The following ATP2A3 variants were observed in gnomAD, a reference collection of about 807,000 sequenced individuals.
The protein encoded by ATP2A3 is sarcoplasmic/endoplasmic reticulum calcium ATPase 3.
In ATP2A3, 61 loss-of-function variants were observed where a neutral mutation model predicts 106.8. That is an observed-to-expected ratio of 0.57 (90% CI 0.46 to 0.71). The LOEUF is 0.71. Ranked by LOEUF, ATP2A3 falls within the 30% of genes least tolerant of loss-of-function variation. The pLI, the probability that ATP2A3 is intolerant of heterozygous loss-of-function variation, is 0.00. For missense variants in ATP2A3, 1,201 were observed against 1,423.5 expected (o/e 0.84, Z 2.52); for synonymous variants, 611 against 609.3 (o/e 1.00, Z -0.04).
Position 3,925,603 on chromosome 17 carries a change from C to A in ATP2A3, c.2981-162G>T, listed in dbSNP as rs920253372. On this transcript the variant is annotated intron_variant, in intron 20 of 20. Transcript: ENST00000397041. The surrounding 1 kb of genome is among the most constrained non-coding windows in gnomAD (Gnocchi z 4.2). ...CAGTCTACCCCAGCCCCACCGGACC[C>A]CCCAAGCTGCATCCAGGATCCATCC... Among the ~76,000 whole-genome samples the A allele has an allele frequency of 6.6e-6, 1 of 151,854 alleles. No individual in the cohort carries two copies. Among genetic ancestry groups the A allele is most frequent in the African/African-American group, 2.4e-5 (1 of 41,312 alleles).
chr17:3,956,587 A>G (rs1324710531), intron 1 of ATP2A3, among the ~76,000 whole-genome samples: 1 of 152,146 alleles, frequency 6.6e-6, no homozygotes, highest in Non-Finnish European at 1.5e-5. Flanking sequence ...AAGCGGCTGG[A>G]GCTCTTTGAC....
Position 3,956,128 on chromosome 17 carries a change from C to G in ATP2A3, c.119-2418G>C, listed in dbSNP as rs190503941. On this transcript the variant is annotated intron_variant, in intron 1 of 20. Coordinates refer to ENST00000397041, the MANE Select transcript of ATP2A3 (RefSeq NM_005173.4). Reference sequence around the variant, plus strand: ...AACTCCTGACCTCAGGTGATCCACCCACTTCGGCCTCCCAAAGTGCTGGGA... The same window carrying G: ...AACTCCTGACCTCAGGTGATCCACCGACTTCGGCCTCCCAAAGTGCTGGGA... Among the ~76,000 whole-genome samples the G allele has an allele frequency of 6.8e-3, 1,035 of 152,206 alleles. 10 individuals are homozygous for G. Among genetic ancestry groups the G allele is most frequent in the Non-Finnish European group, 0.011 (762 of 68,002 alleles).
Position 3,926,407 on chromosome 17 carries a change from T to C in ATP2A3, c.2981-966A>G, listed in dbSNP as rs2052710745. On this transcript the variant is annotated intron_variant, in intron 20 of 20. Coordinates refer to ENST00000397041, the MANE Select transcript of ATP2A3 (RefSeq NM_005173.4). The surrounding 1 kb of genome is among the most constrained non-coding windows in gnomAD (Gnocchi z 4.6). ...CAGATGGAGCCGCAGGTACCCAGCC[T>C]GTGTCTGTCCTCCAGCAGCCAGGCA... Among the ~76,000 whole-genome samples, 1 of 152,278 alleles carries C rather than the reference T, an allele frequency of 6.6e-6. No homozygotes were observed. The highest frequency in any genetic ancestry group is 6.5e-5 in the Admixed American group (1 of 15,306).
In ATP2A3 at chr17:3,936,647, G is replaced by C. The variant is rs1350614301; in HGVS notation, c.2322-178C>G. 1.4e-6 allele frequency: 1 copy of C among 695,098 alleles called. No individual in the cohort carries two copies. Among genetic ancestry groups the C allele is most frequent in the Non-Finnish European group, 2.5e-6 (1 of 397,018 alleles). 43.1% of individuals were successfully genotyped at this position (695,098 alleles called of 1,614,324 possible). A position where few individuals can be genotyped will look rare whatever the true frequency, so the allele number is the denominator to read the frequency against. On this transcript the variant is annotated intron_variant, in intron 15 of 20. Coordinates refer to ENST00000397041, the MANE Select transcript of ATP2A3 (RefSeq NM_005173.4). This position sits in a 1 kb window ranked among gnomAD's most constrained non-coding sequence, Gnocchi z 5.4. ...GTGTACACAGCTCTGCCTCGGGCCT[G>C]GCCAGTCCTGCCTTCCCCAGTCCCA...
rs758534122 is a variant in ATP2A3, at chr17:3,953,660, C to T, written c.136+33G>A. 26 of 1,559,414 alleles carry T rather than the reference C, an allele frequency of 1.7e-5. 1 individual carries two copies. The highest frequency in any genetic ancestry group is 9.6e-5 in the Admixed American group (5 of 51,868). Reference sequence around the variant, plus strand: ...GAGAACGACCCAGGGATGCTGCCCGCGGCCTAGAGGTCCATCCCGGTGCCA... The same window carrying T: ...GAGAACGACCCAGGGATGCTGCCCGTGGCCTAGAGGTCCATCCCGGTGCCA... On this transcript the variant is annotated intron_variant, in intron 2 of 20. Transcript: ENST00000397041. This position sits in a 1 kb window ranked among gnomAD's most constrained non-coding sequence, Gnocchi z 5.1.
chr17:3,933,933 TTC>T (rs112227508), intron 17 of ATP2A3, among the ~76,000 whole-genome samples: 22,658 of 149,918 alleles, frequency 0.15, 2,088 homozygotes, highest in African/African-American at 0.21. Context: ...TTTTCTTTTT[TTC>T]TTTTTTGAGA....
At position 3,924,809 on chromosome 17, in the gene ATP2A3, T is replaced by C. The variant is rs1307852668; in HGVS notation, c.*613A>G. ...CCTTCACCCGCCCGGGCCCTGCACATATAAACAGAAGCAGCCTCGAGCTCT... is the reference window on the plus strand; with the variant it reads ...CCTTCACCCGCCCGGGCCCTGCACACATAAACAGAAGCAGCCTCGAGCTCT... On this transcript the variant is annotated 3_prime_UTR_variant, in exon 21 of 21. Transcript: ENST00000397041. This position sits in a 1 kb window ranked among gnomAD's most constrained non-coding sequence, Gnocchi z 6.4. 1 of 456,554 alleles carries C rather than the reference T, an allele frequency of 2.2e-6. No individual in the cohort carries two copies. The highest frequency in any genetic ancestry group is 2.3e-5 in the Admixed American group (1 of 42,566). The allele number at this position is 456,554 out of a possible 1,614,324, so 28.3% of individuals were successfully genotyped here. A position where few individuals can be genotyped will look rare whatever the true frequency, so the allele number is the denominator to read the frequency against.
chr17:3,964,271 G>T lies in ATP2A3; in HGVS notation c.21C>A (p.Leu7=). The T allele has an allele frequency of 1.6e-6, 2 of 1,283,328 alleles. No homozygotes were observed. The highest frequency in any genetic ancestry group is 3.3e-5 in the South Asian group (2 of 60,062). The allele number at this position is 1,283,328 out of a possible 1,614,324, so 79.5% of individuals were successfully genotyped here. A position where few individuals can be genotyped will look rare whatever the true frequency, so the allele number is the denominator to read the frequency against. MEAAHL[L]PAADVLRHFS... Reference sequence around the variant, plus strand: ...AGTGGCGCAGCACGTCGGCGGCCGGGAGCAGATGCGCCGCCTCCATGCCGC... The same window carrying T: ...AGTGGCGCAGCACGTCGGCGGCCGGTAGCAGATGCGCCGCCTCCATGCCGC... The change falls in exon 1 of 21, where the codon CTC becomes CTA. Residue 7 remains leucine (L), a synonymous_variant. Transcript: ENST00000397041.
chr17:3,936,526 C>A lies in ATP2A3; in HGVS notation c.2322-57G>T, dbSNP rs916985342. ...AGGCCTAGCCCCCGGCAGATGCAGG[C>A]TCCAGCTCCTGCTCAGACCCAAGGC... is the stretch of plus-strand genomic sequence containing the variant. On this transcript the variant is annotated intron_variant, in intron 15 of 20. Coordinates refer to ENST00000397041, the MANE Select transcript of ATP2A3 (RefSeq NM_005173.4). This position sits in a 1 kb window ranked among gnomAD's most constrained non-coding sequence, Gnocchi z 5.4. The A allele has an allele frequency of 9.5e-6, 15 of 1,586,168 alleles. No homozygotes were observed. In the Admixed American group the frequency reaches 1.2e-4, roughly 12 times the overall value.
At position 3,953,572 on chromosome 17, in the gene ATP2A3, G is replaced by A; in HGVS notation, c.136+121C>T. 2 of 1,489,424 alleles carry A rather than the reference G, an allele frequency of 1.3e-6. No homozygotes were observed. Among genetic ancestry groups the A allele is most frequent in the Non-Finnish European group, 9.2e-7 (1 of 1,087,612 alleles). The allele number at this position is 1,489,424 out of a possible 1,614,324, so 92.3% of individuals were successfully genotyped here. ...ACCCAGGTCGCTGAGAGGCTCAGGT[G>A]GGTGATCCTGGGGAGCTCAGCAAGG... On this transcript the variant is annotated intron_variant, in intron 2 of 20. Coordinates refer to ENST00000397041, the MANE Select transcript of ATP2A3 (RefSeq NM_005173.4). This position sits in a 1 kb window ranked among gnomAD's most constrained non-coding sequence, Gnocchi z 5.1.
At position 3,941,615 on chromosome 17, in the gene ATP2A3, G is replaced by T; in HGVS notation, c.1585C>A (p.Arg529Ser). The T allele has an allele frequency of 1.9e-6, 3 of 1,611,246 alleles. No homozygotes were observed. Among genetic ancestry groups the T allele is most frequent in the Non-Finnish European group, 2.5e-6 (3 of 1,180,008 alleles). ...AGGGGTGCTGTGCGGCTCCCCACGC[G>T]GACTGAGCTACAGCGCTCGATCACA... ...ESVIERCSSV[R>S]VGSRTAPLTP... The change falls in exon 13 of 21, where the codon CGC becomes AGC. Residue 529 changes from arginine (R) to serine (S), a missense_variant. By Grantham distance (110) the Arg-to-Ser change is moderately radical (BLOSUM62 -1). This residue lies in a region of ATP2A3 where 935 missense variants were observed against 1,176.7 expected (regional missense o/e 0.79). Coordinates refer to ENST00000397041, the MANE Select transcript of ATP2A3 (RefSeq NM_005173.4).
At chr17:3,957,189 C>A (rs914168408) in intron 1 of ATP2A3, among the ~76,000 whole-genome samples, 1 of 152,226 alleles carries the variant, frequency 6.6e-6, no homozygotes, top group Non-Finnish European at 1.5e-5. Context: ...TTCTCATGAT[C>A]CGCAAACAAG....
Position 3,941,522 on chromosome 17 carries a change from G to T in ATP2A3, c.1678C>A (p.Arg560Ser). Residue 560 changes from arginine (R) to serine (S), a missense_variant, in exon 13 of 21, where the codon CGC becomes AGC. Arg to Ser is a moderately radical substitution (Grantham distance 110). This residue lies in a region of ATP2A3 where 935 missense variants were observed against 1,176.7 expected (regional missense o/e 0.79). Coordinates refer to ENST00000397041, the MANE Select transcript of ATP2A3 (RefSeq NM_005173.4). ...TCCCGGGTGGCCAGTGCCAGGCAGCGCAGCGTGTCTGAGCCTGAGCCCCAA... is the reference window on the plus strand; with the variant it reads ...TCCCGGGTGGCCAGTGCCAGGCAGCTCAGCGTGTCTGAGCCTGAGCCCCAA... The part of the protein sequence containing the change: ...RDWGSGSDTL[R>S]CLALATRDAP... 6.2e-7 allele frequency: 1 copy of T among 1,613,770 alleles called. No homozygotes were observed. The highest frequency in any genetic ancestry group is 8.5e-7 in the Non-Finnish European group (1 of 1,179,930).
rs1169418167 is a variant in ATP2A3, at chr17:3,941,441, A to G, written c.1759T>C (p.Tyr587His). 1 of 1,614,076 alleles carries G rather than the reference A, an allele frequency of 6.2e-7. No homozygotes were observed. Among genetic ancestry groups the G allele is most frequent in the Non-Finnish European group, 8.5e-7 (1 of 1,180,024 alleles). Residue 587 changes from tyrosine (Y) to histidine (H), a missense_variant, in exon 13 of 21, where the codon TAC becomes CAC. Transcript: ENST00000397041. ...ELDDCSKFVQ[Y>H]ETDLTFVGCV... ...GAATCGGCTCCTGCACCCACCTCGT[A>G]CTGCACAAACTTGCTGCAGTCGTCC... is the stretch of plus-strand genomic sequence containing the variant.
chr17:3,945,285 A>C (rs1333833588), intron 8 of ATP2A3, 137 bp from the exon 9 acceptor site: 1 of 725,744 alleles, frequency 1.4e-6, no homozygotes, highest in East Asian at 3.1e-5. Flanking sequence ...CGTGCCCACC[A>C]GGAGGGAAAT....
intron 20 of ATP2A3, chr17:3,927,526 C>T (rs747677091): frequency 1.1e-5 from 11 of 985,398 alleles, no homozygotes; most frequent in African/African-American, 8.7e-5. Flanking sequence ...CCTGGCGGAC[C>T]GGCCCGGTGC....
At chr17:3,945,847 CCTT>C (rs1597631330) in intron 8 of ATP2A3, among the ~76,000 whole-genome samples, 2 of 152,164 alleles carry the variant, frequency 1.3e-5, no homozygotes, top group East Asian at 3.9e-4. Flanking sequence ...CATAAGTGTC[CCTT>C]CCTTCCCGCT....
rs1157626423 is a variant in ATP2A3 at position 3,955,128 on chromosome 17, G to A, written c.119-1418C>T. On this transcript the variant is annotated intron_variant, in intron 1 of 20. Transcript: ENST00000397041. The surrounding 1 kb of genome is among the most constrained non-coding windows in gnomAD (Gnocchi z 4.2). ...TCTTGCCACTCAAAGGACAGTCTCC[G>A]GACATCTGTGGCATCTCCCCGAAGC... 6.6e-6 allele frequency among the ~76,000 whole-genome samples: 1 copy of A among 152,186 alleles called. No homozygotes were observed. The highest frequency in any genetic ancestry group is 6.5e-5 in the Admixed American group (1 of 15,280).
intron 11 of ATP2A3, 69 bp downstream of exon 11, chr17:3,943,322 C>T (rs1197525617): frequency 1.3e-6 from 2 of 1,597,252 alleles, no homozygotes; most frequent in Non-Finnish European, 8.5e-7. Context: ...AGTGTCCTGT[C>T]TGCCTTCTCC....
Sources: allele counts gnomAD v4.1 joint callset (sites outside exome capture counted in the v4.1 genomes callset), GRCh38; gene constraint gnomAD v4.1.1; regional missense constraint gnomAD v4.1.1; non-coding constraint Gnocchi (gnomAD v3.1); transcripts MANE v1.5; gene names NCBI Gene and HGNC (gene_info 2026-07-23, HGNC 2026-07-21).